Variants in FBXO32 observed in about 807,000 individuals in gnomAD.
FBXO32 encodes F-box only protein 32.
Under a neutral mutation model 48.3 loss-of-function variants are expected in FBXO32, and 15 were observed. The observed-to-expected ratio is 0.31, with a 90% CI of 0.21 to 0.48. The LOEUF (loss-of-function observed/expected upper bound fraction) is 0.48. Among genes scored for constraint, FBXO32 ranks in the 20% least tolerant of loss-of-function variants. The probability of loss-of-function intolerance (pLI) is 0.99; values close to 1 mark genes in which losing one functional copy is unlikely to be tolerated. For synonymous variants in FBXO32, 154 were observed against 165.9 expected (o/e 0.93, Z 0.55); for missense variants, 309 against 432.7 (o/e 0.71, Z 2.54).
At chr8:123,518,230 A>G (rs2130526904) in intron 4 of FBXO32, among the ~76,000 whole-genome samples, 1 of 152,318 alleles carries the variant, frequency 6.6e-6, no homozygotes, top group East Asian at 1.9e-4. Context: ...ACCTACTTCA[A>G]AGTTGCTGTG....
At chr8:123,505,382 G>T (rs1816593865) in intron 7 of FBXO32, among the ~76,000 whole-genome samples, 1 of 152,136 alleles carries the variant, frequency 6.6e-6, no homozygotes, top group African/African-American at 2.4e-5. Context: ...GTTTAAAGTG[G>T]GCACAACAAT....
chr8:123,529,251 T>A (rs193169108), intron 4 of FBXO32, among the ~76,000 whole-genome samples: 2 of 152,370 alleles, frequency 1.3e-5, no homozygotes, highest in Admixed American at 1.3e-4. Flanking sequence ...TACAATTAGA[T>A]ACTCTTAGAT....
rs527334053 is a variant in FBXO32 at position 123,525,396 on chromosome 8, C to T, written c.372+6502G>A. On this transcript the variant is annotated intron_variant, in intron 4 of 8. Transcript: ENST00000517956. This position sits in a 1 kb window ranked among gnomAD's most constrained non-coding sequence, Gnocchi z 4.3. ...TGAGAAAATTGGTACTCAAGTTCTC[C>T]GTGACCTTTCTGGGCTGTTAATGGT... Among the ~76,000 whole-genome samples the T allele has an allele frequency of 9.9e-5, 15 of 152,248 alleles. No individual in the cohort carries two copies. Among genetic ancestry groups the T allele is most frequent in the African/African-American group, 2.6e-4 (11 of 41,532 alleles).
chr8:123,517,033 C>T (rs964704363), intron 4 of FBXO32, among the ~76,000 whole-genome samples: 2 of 152,120 alleles, frequency 1.3e-5, no homozygotes, highest in Admixed American at 6.5e-5. Context: ...CAGCAAGATT[C>T]GGAAGGCCAA....
intron 1 of FBXO32, among the ~76,000 whole-genome samples, chr8:123,539,194 C>A (rs750767459): frequency 1.5e-4 from 23 of 152,148 alleles, no homozygotes; most frequent in Non-Finnish European, 3.4e-4. Context: ...ATCATCTGTT[C>A]TCCACTGAGG....
At chr8:123,519,550 C>CAA (rs778974048) in intron 4 of FBXO32, among the ~76,000 whole-genome samples, 148 of 72,090 alleles carry the variant, frequency 2.1e-3, no homozygotes, top group African/African-American at 4.1e-3. Flanking sequence ...GACTCCATCT[C>CAA]AAAAAAAAAA....
chr8:123,531,534 T>C (rs1461548924), intron 4 of FBXO32, among the ~76,000 whole-genome samples: 1 of 152,230 alleles, frequency 6.6e-6, no homozygotes, highest in Non-Finnish European at 1.5e-5. Context: ...CTGAATTCTC[T>C]CTTGCTAAGG....
rs1256397966 is a variant in FBXO32 at position 123,506,807 on chromosome 8, C to T, written c.652-233G>A. Among the ~76,000 whole-genome samples, 4 of 152,184 alleles carry T rather than the reference C, an allele frequency of 2.6e-5. No individual in the cohort carries two copies. Among genetic ancestry groups the T allele is most frequent in the African/African-American group, 9.6e-5 (4 of 41,454 alleles). On this transcript the variant is annotated intron_variant, in intron 6 of 8. Transcript: ENST00000517956. The surrounding 1 kb of genome is among the most constrained non-coding windows in gnomAD (Gnocchi z 4.0). ...GAGTGGTGCCAGAGGGATCGCCCTA[C>T]ATTTCCAAAGCTTGAAACTTTCACT...
rs551164814 is a variant in FBXO32, at chr8:123,498,421, A to G, written c.*4952T>C. The G allele has an allele frequency of 2.0e-5, 3 of 152,330 alleles. No homozygotes were observed. The highest frequency in any genetic ancestry group is 6.5e-5 in the Admixed American group (1 of 15,304). 9.4% of individuals were successfully genotyped at this position (152,330 alleles called of 1,614,324 possible). On this transcript the variant is annotated 3_prime_UTR_variant, in exon 9 of 9. Coordinates refer to ENST00000517956, the MANE Select transcript of FBXO32 (RefSeq NM_058229.4). Reference sequence around the variant, plus strand: ...CAAATGGAGCAGGGCCTAAGTTTTGAGAGATTCTCCAGAAAGCTTTGTTTG... The same window carrying G: ...CAAATGGAGCAGGGCCTAAGTTTTGGGAGATTCTCCAGAAAGCTTTGTTTG...
At chr8:123,538,888 A>G (rs1817360060) in intron 1 of FBXO32, among the ~76,000 whole-genome samples, 1 of 152,214 alleles carries the variant, frequency 6.6e-6, no homozygotes, top group Non-Finnish European at 1.5e-5. Flanking sequence ...TTTTGTGGTA[A>G]GTTAAGACCA....
chr8:123,520,318 G>T (rs563564713), intron 4 of FBXO32, among the ~76,000 whole-genome samples: 12 of 152,260 alleles, frequency 7.9e-5, no homozygotes, highest in Admixed American at 3.3e-4. Context: ...AGAGAGGCAG[G>T]GGGAGGGAAG....
intron 4 of FBXO32, among the ~76,000 whole-genome samples, chr8:123,522,511 G>C (rs1022522248): frequency 6.6e-6 from 1 of 151,852 alleles, no homozygotes; most frequent in Non-Finnish European, 1.5e-5. Context: ...ACCTGGCCCT[G>C]GTTACTTTTG....
intron 1 of FBXO32, among the ~76,000 whole-genome samples, chr8:123,537,043 G>A (rs1042919030): frequency 6.6e-5 from 10 of 152,204 alleles, no homozygotes; most frequent in African/African-American, 2.4e-4. Flanking sequence ...CGGAGGAAGG[G>A]CCTGGAAAGA....
chr8:123,506,339 G>T lies in FBXO32; in HGVS notation c.834+53C>A, dbSNP rs1203220470. On this transcript the variant is annotated intron_variant, in intron 7 of 8. Coordinates refer to ENST00000517956, the MANE Select transcript of FBXO32 (RefSeq NM_058229.4). This position sits in a 1 kb window ranked among gnomAD's most constrained non-coding sequence, Gnocchi z 4.0. ...TTGAGCAGGGCACCAAGGAAGTTTG[G>T]GGTGAGGGCCAGAGAAGGAGGGTGG... 1.9e-6 allele frequency: 3 copies of T among 1,589,012 alleles called. No homozygotes were observed. The highest frequency in any genetic ancestry group is 2.6e-6 in the Non-Finnish European group (3 of 1,164,244).
intron 1 of FBXO32, among the ~76,000 whole-genome samples, chr8:123,538,771 T>C (rs771551109): frequency 2.6e-5 from 4 of 152,140 alleles, no homozygotes; most frequent in Non-Finnish European, 4.4e-5. Flanking sequence ...TGATGATGGA[T>C]GTGACAGCTC....
chr8:123,523,856 G>A (rs1817015457), intron 4 of FBXO32, among the ~76,000 whole-genome samples: 1 of 151,962 alleles, frequency 6.6e-6, no homozygotes, highest in African/African-American at 2.4e-5. Context: ...CCACAATAAG[G>A]TCCCTAAAGT....
chr8:123,504,807 G>A (rs926054621), intron 7 of FBXO32, 60 bp from the exon 8 acceptor site: 1 of 1,551,484 alleles, frequency 6.4e-7, no homozygotes, highest in African/African-American at 1.4e-5. Flanking sequence ...ATGGCTTGTG[G>A]TTTTCCGGTT....
Position 123,498,363 on chromosome 8 carries a change from G to T in FBXO32, c.*5010C>A, listed in dbSNP as rs1816402514. On this transcript the variant is annotated 3_prime_UTR_variant, in exon 9 of 9. Coordinates refer to ENST00000517956, the MANE Select transcript of FBXO32 (RefSeq NM_058229.4). ...AATGTAGCAGATGGAGTTTTAAGAA[G>T]TTCAGAGTTTTGGAGCAGCCATCAT... is the stretch of plus-strand genomic sequence containing the variant. The T allele has an allele frequency of 6.6e-6, 1 of 152,196 alleles. No individual in the cohort carries two copies. Among genetic ancestry groups the T allele is most frequent in the East Asian group, 1.9e-4 (1 of 5,200 alleles). 9.4% of individuals were successfully genotyped at this position (152,196 alleles called of 1,614,324 possible). A position where few individuals can be genotyped will look rare whatever the true frequency, so the allele number is the denominator to read the frequency against.
chr8:123,532,134 T>C lies in FBXO32; in HGVS notation c.280-144A>G, dbSNP rs1817223217. ...AGGTGACCTGGGGCACTGGCTTCTT[T>C]CCTGTACCCACAAGCCCTTGAGAGC... On this transcript the variant is annotated intron_variant, in intron 3 of 8. Coordinates refer to ENST00000517956, the MANE Select transcript of FBXO32 (RefSeq NM_058229.4). 9 of 1,438,560 alleles carry C rather than the reference T, an allele frequency of 6.3e-6. No homozygotes were observed. In the South Asian group the frequency reaches 1.2e-4, roughly 19 times the overall value. The allele number at this position is 1,438,560 out of a possible 1,614,324, so 89.1% of individuals were successfully genotyped here.
Sources: gnomAD v4.1 joint callset for allele counts (sites outside exome capture counted in the v4.1 genomes callset) on GRCh38, gnomAD v4.1.1 for gene constraint, Gnocchi (gnomAD v3.1) non-coding constraint, MANE v1.5 for transcripts, NCBI Gene and HGNC (gene_info 2026-07-23, HGNC 2026-07-21) for gene names.